The following SLC1A2 variants were observed in gnomAD, a reference collection of about 807,000 sequenced individuals.
SLC1A2 encodes the protein solute carrier family 1 member 2.
In SLC1A2, 15 loss-of-function variants were observed where a neutral mutation model predicts 48.8. That is an observed-to-expected ratio of 0.31 (90% confidence interval 0.21 to 0.47). SLC1A2 has a LOEUF of 0.47. Among genes scored for constraint, SLC1A2 ranks in the 20% least tolerant of loss-of-function variants. The probability of loss-of-function intolerance (pLI) is 0.99; values close to 1 mark genes in which losing one functional copy is unlikely to be tolerated. For missense variants in SLC1A2, 502 were observed against 730.5 expected (o/e 0.69, Z 3.61); for synonymous variants, 279 against 272.6 (o/e 1.02, Z -0.23).
chr11:35,256,581 T>TA lies in SLC1A2; in HGVS notation c.*4312dup, dbSNP rs1236449935. On this transcript the variant is annotated 3_prime_UTR_variant, in exon 11 of 11. Coordinates refer to ENST00000278379, the MANE Select transcript of SLC1A2 (RefSeq NM_004171.4). ...ATTTATCTTCTTTGACAATTAGACT[T>TA]ACAAAACTCACTCCAGAATTCCTTC... The TA allele has an allele frequency of 6.6e-6, 1 of 150,808 alleles. No homozygotes were observed. The highest frequency in any genetic ancestry group is 1.5e-5 in the Non-Finnish European group (1 of 67,694). 9.3% of individuals were successfully genotyped at this position (150,808 alleles called of 1,614,324 possible).
chr11:35,313,646 C>A (rs114647888), intron 3 of SLC1A2, among the ~76,000 whole-genome samples: 2,005 of 152,280 alleles, frequency 0.013, 52 homozygotes, highest in African/African-American at 0.045. Context: ...CTAATTCTAG[C>A]CGACGGGAGC....
At position 35,258,854 on chromosome 11, in the gene SLC1A2, C is replaced by A. The variant is rs190977458; in HGVS notation, c.*2040G>T. The stretch of plus-strand genomic sequence containing the variant: ...ACTCGGGAGGCTGAGACAGGAGAAT[C>A]GCTTGAACTAGAGAGGTGGACATTG... On this transcript the variant is annotated 3_prime_UTR_variant, in exon 11 of 11. Coordinates refer to ENST00000278379, the MANE Select transcript of SLC1A2 (RefSeq NM_004171.4). The A allele has an allele frequency of 6.6e-6, 1 of 150,984 alleles. No homozygotes were observed. The highest frequency in any genetic ancestry group is 1.5e-5 in the Non-Finnish European group (1 of 68,014). 9.4% of individuals were successfully genotyped at this position (150,984 alleles called of 1,614,324 possible). A position where few individuals can be genotyped will look rare whatever the true frequency, so the allele number is the denominator to read the frequency against.
rs771046647 is a variant in SLC1A2, at chr11:35,309,601, G to A, written c.561+2597C>T. Among the ~76,000 whole-genome samples, 15 of 152,246 alleles carry A rather than the reference G, an allele frequency of 9.9e-5. No individual in the cohort carries two copies. The East Asian group carries it at 1.9e-3, about 20-fold the overall frequency. On this transcript the variant is annotated intron_variant, in intron 4 of 10. Coordinates refer to ENST00000278379, the MANE Select transcript of SLC1A2 (RefSeq NM_004171.4). The stretch of plus-strand genomic sequence containing the variant: ...TGGGAGGAGGCAGTCTCCACTCTGC[G>A]GGGAGCTCATCTTCCTCTTTACATT...
rs115875598 is a variant in SLC1A2, at chr11:35,379,337, T to G, written c.17+39613A>C. 3.9e-3 allele frequency among the ~76,000 whole-genome samples: 594 copies of G among 152,358 alleles called. 3 individuals carry two copies. The highest frequency in any genetic ancestry group is 0.014 in the African/African-American group (575 of 41,594). ...CTGCTACTGTTATTACTAATAAAAT[T>G]TTTAGACTGCCCTGATTCACAAAAC... On this transcript the variant is annotated intron_variant, in intron 1 of 10. Transcript: ENST00000278379.
At chr11:35,330,871 A>G (rs899401718) in intron 1 of SLC1A2, among the ~76,000 whole-genome samples, 5 of 152,252 alleles carry the variant, frequency 3.3e-5, no homozygotes, top group African/African-American at 4.8e-5. Context: ...ATTTTAGCCC[A>G]GTGAGACCCA....
At chr11:35,271,561 T>C (rs1457518822) in intron 9 of SLC1A2, among the ~76,000 whole-genome samples, 1 of 152,204 alleles carries the variant, frequency 6.6e-6, no homozygotes, top group African/African-American at 2.4e-5. Context: ...ACCCTAATTA[T>C]TATCTAGGGA....
chr11:35,274,885 C>T (rs1850390157), intron 9 of SLC1A2, among the ~76,000 whole-genome samples: 1 of 152,206 alleles, frequency 6.6e-6, no homozygotes, highest in African/African-American at 2.4e-5. Flanking sequence ...TCTTTTCAAT[C>T]TATTTTTTTG....
At position 35,260,981 on chromosome 11, in the gene SLC1A2, A is replaced by G. The variant is rs773269791; in HGVS notation, c.1654-16T>C. 2.5e-6 allele frequency: 4 copies of G among 1,604,340 alleles called. No individual in the cohort carries two copies. Among genetic ancestry groups the G allele is most frequent in the East Asian group, 2.2e-5 (1 of 44,830 alleles). On this transcript the variant is annotated splice_polypyrimidine_tract_variant and intron_variant, in intron 10 of 10. Transcript: ENST00000278379. ...CCAGAGTTACCTGAAAATAATTATC[A>G]TCAACATCCAGCTTACAGACCACGA... is the stretch of plus-strand genomic sequence containing the variant.
intron 1 of SLC1A2, chr11:35,380,366 A>T (rs529427619): frequency 2.5e-6 from 1 of 398,502 alleles, no homozygotes; most frequent in African/African-American, 2.1e-5. Flanking sequence ...AGCCCTGGTC[A>T]TTGTGAGCAC....
intron 8 of SLC1A2, chr11:35,286,161 G>A (rs1467981665): frequency 6.6e-6 from 1 of 152,172 alleles, no homozygotes; most frequent in African/African-American, 2.4e-5. Flanking sequence ...TTTTTAAAAT[G>A]ATGAATACAT....
At chr11:35,266,861 T>C (rs1950493145) in intron 9 of SLC1A2, among the ~76,000 whole-genome samples, 1 of 152,234 alleles carries the variant, frequency 6.6e-6, no homozygotes, top group African/African-American at 2.4e-5. Context: ...GAATTCTAGT[T>C]GCTATTATCA....
At chr11:35,334,572 T>C (rs1215759712) in intron 1 of SLC1A2, among the ~76,000 whole-genome samples, 1 of 152,152 alleles carries the variant, frequency 6.6e-6, no homozygotes, top group Non-Finnish European at 1.5e-5. Flanking sequence ...GGCAGTGCTT[T>C]AAGAATCATT....
chr11:35,261,058 T>C (rs1950387334), intron 10 of SLC1A2, 93 bp from the exon 11 acceptor site: 2 of 862,452 alleles, frequency 2.3e-6, no homozygotes, highest in Non-Finnish European at 4.0e-6. Flanking sequence ...TCCAAGATTA[T>C]ACTACATGAC....
At chr11:35,310,649 T>C (rs1299304089) in intron 4 of SLC1A2, among the ~76,000 whole-genome samples, 1 of 152,220 alleles carries the variant, frequency 6.6e-6, no homozygotes, top group Non-Finnish European at 1.5e-5. Flanking sequence ...CTTCTGTGCT[T>C]GGAAATGGCT....
chr11:35,257,872 C>T lies in SLC1A2; in HGVS notation c.*3022G>A, dbSNP rs938313830. The T allele has an allele frequency of 3.9e-5, 6 of 152,186 alleles. No homozygotes were observed. The highest frequency in any genetic ancestry group is 8.8e-5 in the Non-Finnish European group (6 of 68,034). The allele number at this position is 152,186 out of a possible 1,614,324, so 9.4% of individuals were successfully genotyped here. A position where few individuals can be genotyped will look rare whatever the true frequency, so the allele number is the denominator to read the frequency against. On this transcript the variant is annotated 3_prime_UTR_variant, in exon 11 of 11. Transcript: ENST00000278379. ...TATGTATGTTTCTGGCCTGCTGTAA[C>T]TGTATATAAATATAACATTTATGCA...
chr11:35,277,264 C>G (rs185256524), intron 9 of SLC1A2, among the ~76,000 whole-genome samples: 8 of 152,310 alleles, frequency 5.3e-5, no homozygotes, highest in Admixed American at 5.2e-4. Context: ...CTCTGCTCCT[C>G]CTCCCCACTG....
At chr11:35,381,382 C>T (rs1485645313) in intron 1 of SLC1A2, among the ~76,000 whole-genome samples, 1 of 152,066 alleles carries the variant, frequency 6.6e-6, no homozygotes, top group Admixed American at 6.5e-5. Context: ...GCTGCCAAAC[C>T]CATCATTGCC....
intron 5 of SLC1A2, among the ~76,000 whole-genome samples, chr11:35,304,076 T>C (rs1430430022): frequency 6.6e-6 from 1 of 152,170 alleles, no homozygotes; most frequent in Non-Finnish European, 1.5e-5. Context: ...GTAATTTTTC[T>C]TTGTAAACAT....
intron 1 of SLC1A2, among the ~76,000 whole-genome samples, chr11:35,400,450 G>A (rs1590276892): frequency 6.6e-6 from 1 of 152,190 alleles, no homozygotes; most frequent in African/African-American, 2.4e-5. Context: ...ATGTGTACAT[G>A]CATCTGAAAT....
Sources: allele counts gnomAD v4.1 joint callset (sites outside exome capture counted in the v4.1 genomes callset), GRCh38; gene constraint gnomAD v4.1.1; transcripts MANE v1.5; gene names NCBI Gene and HGNC (gene_info 2026-07-23, HGNC 2026-07-21).